Variants in NBDY observed in about 807,000 individuals in gnomAD.
NBDY encodes the protein negative regulator of P-body association, also known as P-body dissociating protein.
rs138253336 is a variant in NBDY, at chrX:56,806,991, A to C, written c.*167-10329A>C. ...TAATCCATCTTGAGTTAATTTTTGTATAAAGTGTAAGGAAGGGTTCCAGTT... is the reference window on the plus strand; with the variant it reads ...TAATCCATCTTGAGTTAATTTTTGTCTAAAGTGTAAGGAAGGGTTCCAGTT... On this transcript the variant is annotated intron_variant, in intron 2 of 2. Coordinates refer to ENST00000374922, the MANE Select transcript of NBDY (RefSeq NM_001348129.2). 8.0e-3 allele frequency among the ~76,000 whole-genome samples: 894 copies of C among 111,806 alleles called. 10 individuals are homozygous for C. The highest frequency in any genetic ancestry group is 0.027 in the African/African-American group (841 of 30,766).
chrX:56,737,572 AG>A, intron 2 of NBDY: 2 of 693,577 alleles, frequency 2.9e-6, no homozygotes, highest in Non-Finnish European at 4.4e-6. Context: ...CCTGCTTGCC[AG>A]CCATTTTGAC....
Position 56,818,102 on chromosome X carries a change from C to T in NBDY, c.*949C>T, listed in dbSNP as rs1226091318. The T allele has an allele frequency of 9.0e-6, 1 of 111,053 alleles. No homozygotes were observed. The highest frequency in any genetic ancestry group is 2.8e-4 in the East Asian group (1 of 3,576). The allele number at this position is 111,053 out of a possible 1,213,427, so 9.2% of individuals were successfully genotyped here. On this transcript the variant is annotated 3_prime_UTR_variant, in exon 3 of 3. Coordinates refer to ENST00000374922, the MANE Select transcript of NBDY (RefSeq NM_001348129.2). ...AAGGTTATAGAAAAAAATTTATAGA[C>T]TATAATAATTTCCAGGGATATAAAA...
chrX:56,790,159 C>T (rs781751724), intron 2 of NBDY, among the ~76,000 whole-genome samples: 1 of 112,484 alleles, frequency 8.9e-6, no homozygotes, highest in Non-Finnish European at 1.9e-5. Context: ...TTTTGGGATG[C>T]GAAGCCATGA....
chrX:56,815,357 A>G (rs2069906020), intron 2 of NBDY, among the ~76,000 whole-genome samples: 1 of 111,779 alleles, frequency 8.9e-6, no homozygotes, highest in African/African-American at 3.2e-5. Flanking sequence ...ATGACTAAGA[A>G]ATTTTGGATT....
chrX:56,732,961 C>T (rs920755429), intron 2 of NBDY, among the ~76,000 whole-genome samples: 6 of 48,585 alleles, frequency 1.2e-4, no homozygotes, highest in African/African-American at 4.3e-4. Context: ...CTATTTTAAT[C>T]ATTTTGACTT....
chrX:56,794,152 A>C (rs1336289792), intron 2 of NBDY, among the ~76,000 whole-genome samples: 3 of 111,967 alleles, frequency 2.7e-5, no homozygotes. Context: ...TCCCAACGGC[A>C]GGTACGCTTT....
chrX:56,749,473 A>T (rs1181825664), intron 2 of NBDY, among the ~76,000 whole-genome samples: 1 of 111,309 alleles, frequency 9.0e-6, no homozygotes, highest in East Asian at 2.8e-4. Flanking sequence ...CTTATCAAGA[A>T]TGTTTATCAT....
intron 2 of NBDY, among the ~76,000 whole-genome samples, chrX:56,756,016 T>C (rs1189500095): frequency 9.4e-6 from 1 of 106,187 alleles, no homozygotes; most frequent in African/African-American, 3.5e-5. Context: ...TTGGAAATCA[T>C]CATTCTCAGT....
chrX:56,798,438 A>C (rs5913998), intron 2 of NBDY, among the ~76,000 whole-genome samples: 1 of 109,842 alleles, frequency 9.1e-6, no homozygotes, highest in Admixed American at 9.6e-5. Flanking sequence ...TCAGACTTGC[A>C]CGAGTTGCTG....
At chrX:56,731,520 G>A (rs1441442935) in intron 1 of NBDY, among the ~76,000 whole-genome samples, 8 of 109,914 alleles carry the variant, frequency 7.3e-5, no homozygotes, top group South Asian at 3.9e-4. Context: ...GCAGTGAGCC[G>A]AGATCATGCC....
rs780248672 is a variant in NBDY, at chrX:56,765,911, A to C, written c.*166+33712A>C. Among the ~76,000 whole-genome samples, 13 of 110,531 alleles carry C rather than the reference A, an allele frequency of 1.2e-4. No homozygotes were observed. The South Asian group carries it at 5.2e-3, about 45-fold the overall frequency. ...GATCTGGGTGGGCACGTGTTCTAGC[A>C]GACTGCTTCTTCTTTTGCTCCTTGG... is the stretch of plus-strand genomic sequence containing the variant. On this transcript the variant is annotated intron_variant, in intron 2 of 2. Coordinates refer to ENST00000374922, the MANE Select transcript of NBDY (RefSeq NM_001348129.2).
At chrX:56,816,356 G>A (rs193115319) in intron 2 of NBDY, among the ~76,000 whole-genome samples, 149 of 111,260 alleles carry the variant, frequency 1.3e-3, no homozygotes, top group African/African-American at 3.4e-3. Flanking sequence ...AAAATTGTAC[G>A]TTTCTAAAGT....
intron 2 of NBDY, among the ~76,000 whole-genome samples, chrX:56,755,687 T>G (rs1243194910): frequency 2.7e-5 from 3 of 110,593 alleles, no homozygotes; most frequent in Non-Finnish European, 5.7e-5. Context: ...TTTTACACTG[T>G]TGGTGGGACT....
intron 2 of NBDY, among the ~76,000 whole-genome samples, chrX:56,811,356 C>G (rs1383765838): frequency 8.9e-6 from 1 of 112,086 alleles, no homozygotes; most frequent in Non-Finnish European, 1.9e-5. Flanking sequence ...GCACCCCCAA[C>G]TGTTCCTTCC....
chrX:56,804,356 CT>C (rs938819790), intron 2 of NBDY, among the ~76,000 whole-genome samples: 7 of 111,996 alleles, frequency 6.3e-5, no homozygotes, highest in African/African-American at 1.9e-4. Context: ...CCTTCAGCTA[CT>C]TTTCTCACTG....
intron 2 of NBDY, among the ~76,000 whole-genome samples, chrX:56,791,603 C>T (rs1042412163): frequency 1.8e-5 from 2 of 111,381 alleles, no homozygotes; most frequent in African/African-American, 3.3e-5. Flanking sequence ...CGAAAAGAAG[C>T]TTCCTGATTA....
At chrX:56,783,294 T>C (rs1254262061) in intron 2 of NBDY, among the ~76,000 whole-genome samples, 2 of 112,907 alleles carry the variant, frequency 1.8e-5, no homozygotes, top group African/African-American at 3.2e-5. Flanking sequence ...CTGCCGGGCA[T>C]GAGTCGCCCA....
rs182216759 is a variant in NBDY at position 56,781,863 on chromosome X, C to T, written c.*167-35457C>T. On this transcript the variant is annotated intron_variant, in intron 2 of 2. Transcript: ENST00000374922. ...CTGATTACCTCTTTTCCCTGGTGTC[C>T]GATTCCTCCCCGTTTTTCATCTTTT... Among the ~76,000 whole-genome samples, 17 of 111,716 alleles carry T rather than the reference C, an allele frequency of 1.5e-4. No individual in the cohort carries two copies. In the East Asian group the frequency reaches 3.9e-3, roughly 26 times the overall value.
intron 2 of NBDY, among the ~76,000 whole-genome samples, chrX:56,768,044 C>G (rs4826503): frequency 0.53 from 7,962 of 15,131 alleles, 2,724 homozygotes; most frequent in Non-Finnish European, 0.73. Flanking sequence ...CCAGGAACTG[C>G]CAGGCATGGG....
Sources: allele counts gnomAD v4.1 joint callset (sites outside exome capture counted in the v4.1 genomes callset), GRCh38; gene constraint gnomAD v4.1.1; transcripts MANE v1.5; gene names NCBI Gene and HGNC (gene_info 2026-07-23, HGNC 2026-07-21).